MYRFL: variants seen among roughly 807,000 people sequenced by gnomAD.
The protein encoded by MYRFL is myelin regulatory factor like, also known as myelin regulatory factor-like protein.
Under a neutral mutation model 109.4 loss-of-function variants are expected in MYRFL, and 88 were observed. The ratio of observed to expected loss-of-function variants is 0.80; its 90% CI spans 0.68 to 0.96. The LOEUF is 0.96. Among genes scored for constraint, MYRFL ranks in the 40% least tolerant of loss-of-function variants. The probability of loss-of-function intolerance (pLI) is 0.00; values close to 1 mark genes in which losing one functional copy is unlikely to be tolerated. For synonymous variants in MYRFL, 324 were observed against 320.9 expected (o/e 1.01, Z -0.10); for missense variants, 957 against 954.9 (o/e 1.00, Z -0.03).
intron 13 of MYRFL, among the ~76,000 whole-genome samples, chr12:69,923,391 CT>C (rs1367385332): frequency 1.3e-5 from 2 of 152,038 alleles, no homozygotes; most frequent in Non-Finnish European, 2.9e-5. Flanking sequence ...TTTTCCAGTC[CT>C]TTTTAGTTAA....
chr12:69,940,602 A>C (rs1209657120), intron 19 of MYRFL, among the ~76,000 whole-genome samples: 2 of 152,088 alleles, frequency 1.3e-5, no homozygotes, highest in Non-Finnish European at 2.9e-5. Context: ...AAAATCATCG[A>C]GGCTAGGAAG....
At chr12:69,915,137 T>A (rs1954692582) in intron 13 of MYRFL, among the ~76,000 whole-genome samples, 1 of 152,204 alleles carries the variant, frequency 6.6e-6, no homozygotes, top group Admixed American at 6.5e-5. Flanking sequence ...TCTTGTCCCA[T>A]GTTCTTTGTT....
chr12:69,894,530 A>G (rs914960319), intron 8 of MYRFL, among the ~76,000 whole-genome samples: 2 of 152,210 alleles, frequency 1.3e-5, no homozygotes, highest in African/African-American at 2.4e-5. Context: ...TTAAATCAGC[A>G]TGATGTTGAT....
intron 6 of MYRFL, among the ~76,000 whole-genome samples, chr12:69,889,916 C>A (rs1470738466): frequency 6.6e-6 from 1 of 151,866 alleles, no homozygotes; most frequent in Non-Finnish European, 1.5e-5. Context: ...ATTTGGGATG[C>A]TCAATTTATA....
intron 19 of MYRFL, among the ~76,000 whole-genome samples, chr12:69,939,936 G>A (rs1255950483): frequency 6.6e-6 from 1 of 152,140 alleles, no homozygotes; most frequent in Non-Finnish European, 1.5e-5. Flanking sequence ...TGGAAGAAAG[G>A]GTATCAGCAA....
intron 7 of MYRFL, among the ~76,000 whole-genome samples, chr12:69,892,466 A>C (rs1265321337): frequency 6.6e-6 from 1 of 152,138 alleles, no homozygotes; most frequent in Non-Finnish European, 1.5e-5. Flanking sequence ...ACTGGAGTGC[A>C]GTGGCTTTAT....
chr12:69,849,821 C>G (rs867268132), intron 1 of MYRFL, among the ~76,000 whole-genome samples: 38 of 152,236 alleles, frequency 2.5e-4, no homozygotes, highest in African/African-American at 8.7e-4. Flanking sequence ...AAATAATGAT[C>G]AATTGCCCTC....
chr12:69,956,490 GAAGATAA>G (rs2120563268), intron 22 of MYRFL, among the ~76,000 whole-genome samples: 2 of 152,236 alleles, frequency 1.3e-5, no homozygotes, highest in African/African-American at 4.8e-5. Flanking sequence ...TACTTTCCAT[GAAGATAA>G]ATGGTTTTTT....
chr12:69,951,576 C>T (rs1292578349), intron 19 of MYRFL, among the ~76,000 whole-genome samples: 2 of 152,068 alleles, frequency 1.3e-5, no homozygotes, highest in African/African-American at 2.4e-5. Context: ...TAGAGGCATG[C>T]ACCACCATGC....
At chr12:69,861,533 G>A (rs966648627) in intron 2 of MYRFL, among the ~76,000 whole-genome samples, 10 of 150,784 alleles carry the variant, frequency 6.6e-5, no homozygotes, top group Non-Finnish European at 1.2e-4. Context: ...TGTTTTGGCT[G>A]CATAAATGTC....
intron 13 of MYRFL, among the ~76,000 whole-genome samples, chr12:69,911,820 G>A (rs958028574): frequency 4.6e-5 from 7 of 152,178 alleles, no homozygotes; most frequent in African/African-American, 1.7e-4. Context: ...TGCTTGAGTG[G>A]AGACTAATTT....
intron 21 of MYRFL, 29 bp downstream of exon 21, chr12:69,952,915 T>G (rs1230963136): frequency 6.8e-7 from 1 of 1,467,550 alleles, no homozygotes. Context: ...CATGCCCTGG[T>G]TGTTTCTGGA....
chr12:69,898,933 A>T (rs1041282377), intron 10 of MYRFL, among the ~76,000 whole-genome samples: 8 of 152,224 alleles, frequency 5.3e-5, no homozygotes, highest in African/African-American at 1.9e-4. Context: ...CCTCAAATCC[A>T]AAGCACAATG....
At chr12:69,853,258 G>T (rs1592703320) in intron 1 of MYRFL, among the ~76,000 whole-genome samples, 1 of 151,106 alleles carries the variant, frequency 6.6e-6, no homozygotes, top group East Asian at 2.0e-4. Context: ...CCGGGCAGGG[G>T]CTGCCCCCCA....
At chr12:69,919,583 G>C (rs910322898) in intron 13 of MYRFL, among the ~76,000 whole-genome samples, 1 of 152,130 alleles carries the variant, frequency 6.6e-6, no homozygotes, top group African/African-American at 2.4e-5. Flanking sequence ...CCAGCAGCCT[G>C]CTTTTCTGGT....
At chr12:69,884,009 A>T (rs1400546045) in intron 5 of MYRFL, among the ~76,000 whole-genome samples, 1 of 152,092 alleles carries the variant, frequency 6.6e-6, no homozygotes. Flanking sequence ...TGGGGAGGAG[A>T]GACTAATTAT....
intron 1 of MYRFL, among the ~76,000 whole-genome samples, chr12:69,846,121 T>C (rs1211012783): frequency 1.4e-5 from 2 of 147,526 alleles, no homozygotes; most frequent in African/African-American, 2.5e-5. Context: ...TTTTTTTTTT[T>C]TTTTTTTTTT....
intron 1 of MYRFL, among the ~76,000 whole-genome samples, chr12:69,848,498 A>G (rs1232144052): frequency 3.3e-5 from 5 of 152,108 alleles, no homozygotes; most frequent in African/African-American, 1.2e-4. Flanking sequence ...CCTGACAATT[A>G]TATTCCTATT....
At chr12:69,857,252 T>G (rs1884352006) in intron 2 of MYRFL, among the ~76,000 whole-genome samples, 1 of 151,884 alleles carries the variant, frequency 6.6e-6, no homozygotes, top group South Asian at 2.1e-4. Context: ...CAACACAACA[T>G]TATCTTGATT....
Sources: allele counts gnomAD v4.1 joint callset (sites outside exome capture counted in the v4.1 genomes callset), GRCh38; gene constraint gnomAD v4.1.1; transcripts MANE v1.5; gene names NCBI Gene and HGNC (gene_info 2026-07-23, HGNC 2026-07-21).